The following CDH18 variants were observed in gnomAD, a reference collection of about 807,000 sequenced individuals.
CDH18 encodes cadherin 18.
In CDH18, 31 loss-of-function variants were observed where a neutral mutation model predicts 67.9. The ratio of observed to expected loss-of-function variants is 0.46; its 90% CI spans 0.34 to 0.62. The LOEUF (loss-of-function observed/expected upper bound fraction) is 0.62. Among genes scored for constraint, CDH18 ranks in the 20% least tolerant of loss-of-function variants. The pLI is 0.01. For synonymous variants in CDH18, 362 were observed against 347.2 expected (o/e 1.04, Z -0.48); for missense variants, 890 against 975.5 (o/e 0.91, Z 1.17).
intron 1 of CDH18, among the ~76,000 whole-genome samples, chr5:20,343,786 A>C (rs1384968215): frequency 6.6e-6 from 1 of 152,190 alleles, no homozygotes; most frequent in African/African-American, 2.4e-5. Context: ...AAAGAGAGAC[A>C]CTTCCTTACA....
intron 9 of CDH18, among the ~76,000 whole-genome samples, chr5:19,538,726 C>T (rs1047906006): frequency 6.6e-6 from 1 of 152,062 alleles, no homozygotes; most frequent in Admixed American, 6.6e-5. Flanking sequence ...GGCCTACTCA[C>T]AAGAAGGAAG....
At chr5:19,500,676 T>C (rs111698409) in intron 11 of CDH18, among the ~76,000 whole-genome samples, 1 of 152,190 alleles carries the variant, frequency 6.6e-6, no homozygotes, top group African/African-American at 2.4e-5. Context: ...ACACTCAAGC[T>C]ACTGTAGCTG....
At chr5:20,214,708 T>G (rs1740622663) in intron 2 of CDH18, among the ~76,000 whole-genome samples, 1 of 152,024 alleles carries the variant, frequency 6.6e-6, no homozygotes, top group Non-Finnish European at 1.5e-5. Flanking sequence ...GATTAAAAAC[T>G]TAAATGTAAA....
chr5:20,499,755 G>C (rs571768977), intron 1 of CDH18, among the ~76,000 whole-genome samples: 22 of 152,238 alleles, frequency 1.4e-4, no homozygotes, highest in African/African-American at 5.1e-4. Context: ...TTACATGAAT[G>C]GGTAAATAGT....
At chr5:19,972,542 C>T (rs1330771792) in intron 2 of CDH18, among the ~76,000 whole-genome samples, 1 of 148,106 alleles carries the variant, frequency 6.8e-6, no homozygotes, top group Non-Finnish European at 1.5e-5. Context: ...ATTATTCTTT[C>T]AAATTTTACT....
intron 2 of CDH18, among the ~76,000 whole-genome samples, chr5:19,925,823 C>A (rs74720518): frequency 0.045 from 6,815 of 152,188 alleles, 477 homozygotes; most frequent in African/African-American, 0.15. Flanking sequence ...TCTGAAATTA[C>A]TACAGTAGTA....
intron 2 of CDH18, among the ~76,000 whole-genome samples, chr5:20,187,065 TA>T (rs1171191522): frequency 6.6e-6 from 1 of 151,890 alleles, no homozygotes; most frequent in Non-Finnish European, 1.5e-5. Flanking sequence ...GGTATGATTT[TA>T]ATTATAAGGA....
At chr5:19,503,369 C>A (rs1376373457) in intron 10 of CDH18, among the ~76,000 whole-genome samples, 1 of 150,036 alleles carries the variant, frequency 6.7e-6, no homozygotes, top group East Asian at 1.9e-4. Context: ...TTTTTTTTTT[C>A]TTAATCAGCC....
chr5:19,557,405 C>T (rs781319397), intron 8 of CDH18, among the ~76,000 whole-genome samples: 1 of 151,902 alleles, frequency 6.6e-6, no homozygotes, highest in Non-Finnish European at 1.5e-5. Context: ...TCACCTGACA[C>T]AGGACTAATA....
chr5:19,977,896 C>A (rs1006725806), intron 2 of CDH18, among the ~76,000 whole-genome samples: 1 of 152,086 alleles, frequency 6.6e-6, no homozygotes, highest in African/African-American at 2.4e-5. Flanking sequence ...TATTCTCATT[C>A]TAAGCCAATC....
intron 2 of CDH18, among the ~76,000 whole-genome samples, chr5:19,852,530 T>C (rs1015928157): frequency 6.6e-6 from 1 of 152,056 alleles, no homozygotes; most frequent in Admixed American, 6.6e-5. Flanking sequence ...GAGAAAGTCA[T>C]GAGGTTTCTA....
intron 4 of CDH18, among the ~76,000 whole-genome samples, chr5:19,741,152 C>CTATGTCATCTATGTATATATGTATA (rs1561195724): frequency 1.4e-5 from 2 of 146,244 alleles, no homozygotes; most frequent in African/African-American, 2.5e-5. Flanking sequence ...ATATGTACAT[C>CTATGTCATCTATGTATATATGTATA]TATGTCATCT....
At chr5:20,317,734 G>A (rs1737606037) in intron 1 of CDH18, among the ~76,000 whole-genome samples, 1 of 152,092 alleles carries the variant, frequency 6.6e-6, no homozygotes, top group South Asian at 2.1e-4. Context: ...TATAAAATAT[G>A]AGATGATTAT....
chr5:19,894,065 A>G (rs192486596), intron 2 of CDH18, among the ~76,000 whole-genome samples: 2 of 152,168 alleles, frequency 1.3e-5, no homozygotes, highest in Non-Finnish European at 2.9e-5. Context: ...GAAAAGTAAG[A>G]GATTTTATAT....
chr5:19,894,217 G>T (rs1014019480), intron 2 of CDH18, among the ~76,000 whole-genome samples: 2 of 151,712 alleles, frequency 1.3e-5, no homozygotes, highest in African/African-American at 4.8e-5. Context: ...TCCTCTTTTA[G>T]GTGAAAGACT....
chr5:20,202,673 T>C (rs894134346), intron 2 of CDH18, among the ~76,000 whole-genome samples: 1 of 152,084 alleles, frequency 6.6e-6, no homozygotes, highest in African/African-American at 2.4e-5. Context: ...TATTTTTATT[T>C]TTTTTGCATT....
intron 1 of CDH18, among the ~76,000 whole-genome samples, chr5:20,366,710 CTT>C (rs1217851449): frequency 6.6e-6 from 1 of 152,206 alleles, no homozygotes; most frequent in East Asian, 1.9e-4. Context: ...AGTGGAAACA[CTT>C]AGCATGGTTC....
At chr5:20,436,209 T>C (rs1053413554) in intron 1 of CDH18, among the ~76,000 whole-genome samples, 3 of 152,022 alleles carry the variant, frequency 2.0e-5, no homozygotes, top group African/African-American at 7.2e-5. Context: ...TTCCAGATAA[T>C]GAAGTAACAT....
At chr5:20,182,324 C>T (rs935919176) in intron 2 of CDH18, among the ~76,000 whole-genome samples, 1 of 151,792 alleles carries the variant, frequency 6.6e-6, no homozygotes, top group Non-Finnish European at 1.5e-5. Context: ...AATCCTCAGC[C>T]GCGTGCAATG....
Sources: gnomAD v4.1 joint callset for allele counts (sites outside exome capture counted in the v4.1 genomes callset) on GRCh38, gnomAD v4.1.1 for gene constraint, MANE v1.5 for transcripts, NCBI Gene and HGNC (gene_info 2026-07-23, HGNC 2026-07-21) for gene names.